The following ATP6V1E2 variants were observed in gnomAD, a reference collection of about 807,000 sequenced individuals.
ATP6V1E2 encodes V-type proton ATPase subunit E 2.
For missense variants in ATP6V1E2, 308 were observed against 273.3 expected, an observed-to-expected ratio of 1.13 and a Z score of -0.90; for synonymous variants, 121 against 104.2, an observed-to-expected ratio of 1.16 and a Z score of -0.98.
At chr2:46,540,404 G>C (rs60341609) in intron 2 of ATP6V1E2, among the ~76,000 whole-genome samples, 1 of 142,056 alleles carries the variant, frequency 7.0e-6, no homozygotes, top group East Asian at 2.1e-4. Flanking sequence ...CTGAGCGACA[G>C]AGTGACAGAG....
chr2:46,520,183 C>T (rs1440069988), intron 4 of ATP6V1E2, among the ~76,000 whole-genome samples: 1 of 152,220 alleles, frequency 6.6e-6, no homozygotes, highest in Admixed American at 6.5e-5. Flanking sequence ...ATGAAGGCAG[C>T]TGCAGGGCAG....
At chr2:46,517,865 G>A (rs1339351205) in intron 4 of ATP6V1E2, among the ~76,000 whole-genome samples, 2 of 152,162 alleles carry the variant, frequency 1.3e-5, no homozygotes, top group Admixed American at 6.5e-5. Flanking sequence ...ACAAGTGTTG[G>A]CAAGGATGTG....
At chr2:46,541,156 G>A (rs889807510) in intron 2 of ATP6V1E2, among the ~76,000 whole-genome samples, 1 of 152,192 alleles carries the variant, frequency 6.6e-6, no homozygotes, top group African/African-American at 2.4e-5. Context: ...CCAAGAATGG[G>A]GCAGGCCCTG....
chr2:46,523,314 C>A (rs1330380821), intron 4 of ATP6V1E2, among the ~76,000 whole-genome samples: 34 of 152,152 alleles, frequency 2.2e-4, no homozygotes, highest in Admixed American at 2.2e-3. Flanking sequence ...TTTGCCCATT[C>A]CTATGTCCTA....
intron 4 of ATP6V1E2, among the ~76,000 whole-genome samples, chr2:46,529,031 C>T (rs1417571544): frequency 2.0e-5 from 3 of 152,132 alleles, no homozygotes; most frequent in African/African-American, 7.2e-5. Context: ...TCCAGAGGGG[C>T]CAAGGGTAGG....
chr2:46,529,958 A>T (rs1228607845), intron 4 of ATP6V1E2, among the ~76,000 whole-genome samples: 1 of 152,116 alleles, frequency 6.6e-6, no homozygotes, highest in South Asian at 2.1e-4. Context: ...GCACTCAGGG[A>T]GCTCAGGGTA....
At chr2:46,522,874 C>A (rs987377250) in intron 4 of ATP6V1E2, among the ~76,000 whole-genome samples, 1 of 152,178 alleles carries the variant, frequency 6.6e-6, no homozygotes, top group Non-Finnish European at 1.5e-5. Flanking sequence ...TAAAAGTGTT[C>A]CTATTTCTCT....
intron 4 of ATP6V1E2, among the ~76,000 whole-genome samples, chr2:46,527,513 G>A (rs544774643): frequency 1.7e-3 from 261 of 152,112 alleles, no homozygotes; most frequent in Admixed American, 4.0e-3. Context: ...GAGCTACCGC[G>A]CCCGGCTAGT....
In ATP6V1E2 at chr2:46,514,401, G is replaced by C. The variant is rs1196175248; in HGVS notation, c.-101-1589C>G. On this transcript the variant is annotated intron_variant, in intron 4 of 4. Coordinates refer to ENST00000522587, the MANE Select transcript of ATP6V1E2 (RefSeq NM_001318063.2). ...GTCTGGGAAGCCATATCTTTAAAAG[G>C]TTCCCTGGGATGCTCAACAAGCCCA... Among the ~76,000 whole-genome samples the C allele has an allele frequency of 3.9e-5, 6 of 152,282 alleles. No homozygotes were observed. The East Asian group carries it at 1.2e-3, about 29-fold the overall frequency.
intron 2 of ATP6V1E2, among the ~76,000 whole-genome samples, chr2:46,539,356 T>C (rs1278555760): frequency 1.3e-5 from 2 of 152,228 alleles, no homozygotes; most frequent in African/African-American, 4.8e-5. Context: ...TTTTGCTACA[T>C]AGACCAAGGT....
At chr2:46,537,808 T>C (rs1667524619) in intron 2 of ATP6V1E2, among the ~76,000 whole-genome samples, 1 of 152,078 alleles carries the variant, frequency 6.6e-6, no homozygotes, top group South Asian at 2.1e-4. Context: ...ACACACAAAA[T>C]GATGCAAATG....
At position 46,512,712 on chromosome 2, in the gene ATP6V1E2, G is replaced by A. The variant is rs1167383730; in HGVS notation, c.-1C>T. ...TCACATCGACATCACTCAGGGCCAT[G>A]GCTGCTCTCAGAGGGGACGGCAGAG... On this transcript the variant is annotated 5_prime_UTR_variant, in exon 5 of 5. Coordinates refer to ENST00000522587, the MANE Select transcript of ATP6V1E2 (RefSeq NM_001318063.2). 1 of 1,608,358 alleles carries A rather than the reference G, an allele frequency of 6.2e-7. No individual in the cohort carries two copies. Among genetic ancestry groups the A allele is most frequent in the Admixed American group, 1.7e-5 (1 of 59,750 alleles).
intron 4 of ATP6V1E2, among the ~76,000 whole-genome samples, chr2:46,513,817 C>G (rs1050936453): frequency 6.6e-6 from 1 of 151,946 alleles, no homozygotes; most frequent in Non-Finnish European, 1.5e-5. Context: ...CAGCAAGACT[C>G]CATTTCAAAA....
intron 4 of ATP6V1E2, among the ~76,000 whole-genome samples, chr2:46,517,676 A>G (rs1368651397): frequency 6.6e-6 from 1 of 152,254 alleles, no homozygotes; most frequent in African/African-American, 2.4e-5. Context: ...AAAATGGGCA[A>G]AACACCTGAG....
At chr2:46,540,736 G>A (rs1667711464) in intron 2 of ATP6V1E2, among the ~76,000 whole-genome samples, 2 of 151,064 alleles carry the variant, frequency 1.3e-5, no homozygotes, top group South Asian at 2.1e-4. Context: ...GGCTGACAGG[G>A]GGGCATTCTG....
intron 4 of ATP6V1E2, chr2:46,519,767 T>A: frequency 6.6e-6 from 1 of 152,374 alleles, no homozygotes; most frequent in East Asian, 1.9e-4. Context: ...ATTATTATCA[T>A]CATGACCACT....
At chr2:46,540,217 T>C in intron 2 of ATP6V1E2, among the ~76,000 whole-genome samples, 1 of 151,296 alleles carries the variant, frequency 6.6e-6, no homozygotes, top group East Asian at 1.9e-4. Flanking sequence ...AACTCAGGAG[T>C]TCGAGACTAG....
intron 4 of ATP6V1E2, among the ~76,000 whole-genome samples, chr2:46,525,427 ACTC>A (rs1481994851): frequency 2.9e-5 from 4 of 138,670 alleles, no homozygotes; most frequent in African/African-American, 1.1e-4. Context: ...GCGCCACAGC[ACTC>A]CCGCCTGGGC....
intron 2 of ATP6V1E2, among the ~76,000 whole-genome samples, chr2:46,539,161 A>C (rs768454211): frequency 6.6e-6 from 1 of 152,202 alleles, no homozygotes; most frequent in African/African-American, 2.4e-5. Flanking sequence ...AAACCAATAG[A>C]TACTCTCTAC....
Sources: gnomAD v4.1 joint callset for allele counts (sites outside exome capture counted in the v4.1 genomes callset) on GRCh38, gnomAD v4.1.1 for gene constraint, MANE v1.5 for transcripts, NCBI Gene and HGNC (gene_info 2026-07-23, HGNC 2026-07-21) for gene names.